BICRA: variants seen among roughly 807,000 people sequenced by gnomAD.
BICRA encodes the protein BRD4-interacting chromatin-remodeling complex-associated protein.
Under a neutral mutation model 96.9 loss-of-function variants are expected in BICRA, and 31 were observed. The observed-to-expected ratio is 0.32, with a 90% confidence interval of 0.24 to 0.43. The LOEUF is 0.43. BICRA is among the 20% of genes least tolerant of loss of function. The pLI is 1.00. For missense variants in BICRA, 2,283 were observed against 2,190.3 expected (o/e 1.04, Z -0.84); for synonymous variants, 1,350 against 1,071.8 (o/e 1.26, Z -5.07).
intron 1 of BICRA, among the ~76,000 whole-genome samples, chr19:47,667,410 G>C (rs1378356321): frequency 6.6e-6 from 1 of 152,108 alleles, no homozygotes; most frequent in African/African-American, 2.4e-5. Flanking sequence ...ATTCACCCTC[G>C]GGACTGGTTT....
chr19:47,685,786 T>TGTGTGTGCGCGCGCGTGC, intron 7 of BICRA, among the ~76,000 whole-genome samples: 6 of 117,966 alleles, frequency 5.1e-5, no homozygotes, highest in East Asian at 3.5e-4. Flanking sequence ...TGTGTGTGTG[T>TGTGTGTGCGCGCGCGTGC]GCGCGCGCGC....
At chr19:47,676,371 G>A (rs890319527) in intron 5 of BICRA, among the ~76,000 whole-genome samples, 1 of 152,124 alleles carries the variant, frequency 6.6e-6, no homozygotes, top group Non-Finnish European at 1.5e-5. Flanking sequence ...CACCTGGGCA[G>A]TGAATATGGG....
Position 47,694,687 on chromosome 19 carries a change from G to A in BICRA, c.2856G>A (p.Ala952=), listed in dbSNP as rs770163064. 7.6e-6 allele frequency: 12 copies of A among 1,576,798 alleles called. No homozygotes were observed. The highest frequency in any genetic ancestry group is 4.5e-5 in the South Asian group (4 of 88,788). Residue 952 remains alanine (A), a synonymous_variant, in exon 8 of 15, where the codon GCG becomes GCA. Transcript: ENST00000594866. ...TFQMVTTPFP[A]LPQPKALLER... is the part of the protein sequence containing the mutation. Reference sequence around the variant, plus strand: ...AGATGGTGACCACCCCCTTCCCAGCGCTGCCCCAGCCGAAGGCTCTTCTCG... The same window carrying A: ...AGATGGTGACCACCCCCTTCCCAGCACTGCCCCAGCCGAAGGCTCTTCTCG...
chr19:47,694,948 GC>G lies in BICRA; in HGVS notation c.2948del (p.Pro983ArgfsTer63). ...GAACAAGGCTGGGGGGGCCCCTGCC[GC>G]CCCGCAGACCTCCACCAGCCTGGGG... ...LQNKAGGAPA[A>X]PQTSTSLGPL... On this transcript the variant is annotated frameshift_variant, in exon 9 of 15. Coordinates refer to ENST00000594866, the MANE Select transcript of BICRA (RefSeq NM_001394372.1). LOFTEE classifies it high-confidence loss of function. The G allele has an allele frequency of 6.5e-7, 1 of 1,538,468 alleles. No individual in the cohort carries two copies.
At chr19:47,682,212 G>T (rs1262845340) in intron 7 of BICRA, 60 bp downstream of exon 7, 6 of 694,692 alleles carry the variant, frequency 8.6e-6, no homozygotes, top group African/African-American at 3.6e-5. Flanking sequence ...CCTCCTGCCC[G>T]CTCTCCCGCT....
At chr19:47,695,342 T>TCCAC in intron 9 of BICRA, 23 bp from the exon 10 acceptor site, 8 of 630,188 alleles carry the variant, frequency 1.3e-5, no homozygotes, top group South Asian at 5.8e-5. Context: ...AGGCCCTGTC[T>TCCAC]CCCCCACCCC....
chr19:47,699,079 C>G lies in BICRA; in HGVS notation c.3492+20C>G. The G allele has an allele frequency of 6.8e-7, 1 of 1,468,214 alleles. No individual in the cohort carries two copies. Among genetic ancestry groups the G allele is most frequent in the Non-Finnish European group, 9.3e-7 (1 of 1,071,714 alleles). The allele number at this position is 1,468,214 out of a possible 1,614,324, so 90.9% of individuals were successfully genotyped here. A position where few individuals can be genotyped will look rare whatever the true frequency, so the allele number is the denominator to read the frequency against. The stretch of plus-strand genomic sequence containing the variant: ...TCCCGGGTAGGGTCAGAGTCGCCTT[C>G]CTCGCCTCTGGGCTCCTCCTCGCTG... On this transcript the variant is annotated intron_variant, in intron 13 of 14. Coordinates refer to ENST00000594866, the MANE Select transcript of BICRA (RefSeq NM_001394372.1). This position sits in a 1 kb window ranked among gnomAD's most constrained non-coding sequence, Gnocchi z 5.0.
At chr19:47,681,367 G>A (rs1973055934) in intron 6 of BICRA, 91 bp downstream of exon 6, 9 of 1,159,762 alleles carry the variant, frequency 7.8e-6, no homozygotes, top group East Asian at 2.7e-5. Context: ...ATCCAAAAGT[G>A]GATGCCACTG....
In BICRA at chr19:47,695,444, C is replaced by G. The variant is rs774496365; in HGVS notation, c.3156C>G (p.Ser1052=). 1.8e-5 allele frequency: 29 copies of G among 1,593,420 alleles called. No individual in the cohort carries two copies. The highest frequency in any genetic ancestry group is 2.3e-5 in the Non-Finnish European group (27 of 1,168,740). ...LPTLNVAKAA[S]SGPGKPSGLQ... The stretch of plus-strand genomic sequence containing the variant: ...CCCTGAATGTGGCCAAGGCCGCTTC[C>G]TCCGGGCCAGGGAAGCCCTCCGGGC... Residue 1052 remains serine (S), a synonymous_variant, in exon 10 of 15, where the codon TCC becomes TCG. Coordinates refer to ENST00000594866, the MANE Select transcript of BICRA (RefSeq NM_001394372.1).
intron 1 of BICRA, among the ~76,000 whole-genome samples, chr19:47,644,358 TC>T (rs1389638979): frequency 6.6e-6 from 1 of 151,788 alleles, no homozygotes; most frequent in East Asian, 1.9e-4. Flanking sequence ...TTGCCACATT[TC>T]CTTTCTTTTA....
At position 47,682,168 on chromosome 19, in the gene BICRA, C is replaced by A; in HGVS notation, c.2283+16C>A. 1.6e-6 allele frequency: 2 copies of A among 1,285,854 alleles called. No homozygotes were observed. The highest frequency in any genetic ancestry group is 2.2e-6 in the Non-Finnish European group (2 of 929,126). 79.7% of individuals were successfully genotyped at this position (1,285,854 alleles called of 1,614,324 possible). ...GGCCCCCCAGGTAGAGGGACCCCAG[C>A]AGCCTGTGTCCGCAGCACAGACCCA... On this transcript the variant is annotated intron_variant, in intron 7 of 14. Transcript: ENST00000594866.
intron 1 of BICRA, among the ~76,000 whole-genome samples, chr19:47,650,622 T>G (rs1972527059): frequency 2.0e-5 from 3 of 152,122 alleles, no homozygotes; most frequent in Admixed American, 2.0e-4. Flanking sequence ...ATATAAAAGG[T>G]GTTGCTCTGA....
intron 1 of BICRA, among the ~76,000 whole-genome samples, chr19:47,645,469 G>A (rs991434515): frequency 2.0e-5 from 3 of 152,070 alleles, no homozygotes; most frequent in Admixed American, 6.6e-5. Context: ...CAGGTGGTGC[G>A]TTCAGCTGGA....
intron 4 of BICRA, among the ~76,000 whole-genome samples, chr19:47,674,073 C>G (rs1972905995): frequency 6.6e-6 from 1 of 152,086 alleles, no homozygotes; most frequent in South Asian, 2.1e-4. Context: ...AAATGGGTCC[C>G]AGGGGCTCCT....
Position 47,701,545 on chromosome 19 carries a change from T to TTCCTCC in BICRA, c.3822_3827dup (p.Ser1275_Ser1276dup), listed in dbSNP as rs753141229. On this transcript the variant is annotated inframe_insertion, in exon 15 of 15. Transcript: ENST00000594866. This position sits in a 1 kb window ranked among gnomAD's most constrained non-coding sequence, Gnocchi z 5.4. ...GGGCGTCCTCCTCCCTGTCCTCCTC[T>TTCCTCC]TCCTCCTCCTCCTCTGCCGCCTCCT... 3.9e-6 allele frequency: 6 copies of TTCCTCC among 1,548,276 alleles called. No homozygotes were observed. The highest frequency in any genetic ancestry group is 1.4e-5 in the African/African-American group (1 of 72,864).
At chr19:47,654,830 A>G (rs1972590837) in intron 1 of BICRA, among the ~76,000 whole-genome samples, 1 of 151,758 alleles carries the variant, frequency 6.6e-6, no homozygotes, top group East Asian at 1.9e-4. Context: ...CACCTGTAAA[A>G]GCCCCTAACT....
Position 47,701,749 on chromosome 19 carries a change from C to CTTG in BICRA, c.4017_4018insTTG (p.Leu1340dup). 1 of 1,552,350 alleles carries CTTG rather than the reference C, an allele frequency of 6.4e-7. No homozygotes were observed. Among genetic ancestry groups the CTTG allele is most frequent in the Non-Finnish European group, 8.7e-7 (1 of 1,148,020 alleles). ...ACCAGCCCCCGCCACCCCCCGCTAC[C>CTTG]CTCAAGGTGGCCGAGCCCCCGCCAC... On this transcript the variant is annotated inframe_insertion, in exon 15 of 15. Coordinates refer to ENST00000594866, the MANE Select transcript of BICRA (RefSeq NM_001394372.1). This position sits in a 1 kb window ranked among gnomAD's most constrained non-coding sequence, Gnocchi z 5.4.
Position 47,698,896 on chromosome 19 carries a change from G to A in BICRA, c.3398-69G>A, listed in dbSNP as rs965778820. 7 of 1,372,724 alleles carry A rather than the reference G, an allele frequency of 5.1e-6. No homozygotes were observed. In the African/African-American group the frequency reaches 5.7e-5, roughly 11 times the overall value. The allele number at this position is 1,372,724 out of a possible 1,614,324, so 85.0% of individuals were successfully genotyped here. On this transcript the variant is annotated intron_variant, in intron 12 of 14. Coordinates refer to ENST00000594866, the MANE Select transcript of BICRA (RefSeq NM_001394372.1). The surrounding 1 kb of genome is among the most constrained non-coding windows in gnomAD (Gnocchi z 4.8). ...CGGTGCGCTATGCTGACCCTGCCCC[G>A]CCCTCCTTCCTGCGCATCCGCGGCC... is the stretch of plus-strand genomic sequence containing the variant.
chr19:47,676,530 TC>T (rs565165362), intron 5 of BICRA, among the ~76,000 whole-genome samples: 20 of 133,180 alleles, frequency 1.5e-4, no homozygotes, highest in South Asian at 2.5e-4. Flanking sequence ...GTTGCTGCTT[TC>T]CCCCCTTCAC....
Sources: allele counts gnomAD v4.1 joint callset (sites outside exome capture counted in the v4.1 genomes callset), GRCh38; gene constraint gnomAD v4.1.1; non-coding constraint Gnocchi (gnomAD v3.1); transcripts MANE v1.5; gene names NCBI Gene and HGNC (gene_info 2026-07-23, HGNC 2026-07-21).